The following CABCOCO1 variants were observed in gnomAD, a reference collection of about 807,000 sequenced individuals.
CABCOCO1 encodes the protein ciliary-associated calcium-binding coiled-coil protein 1.
A neutral mutation model predicts 35.7 loss-of-function variants in CABCOCO1; 28 were observed. The observed-to-expected ratio is 0.78, with a 90% CI of 0.58 to 1.07. CABCOCO1 has a LOEUF of 1.07. CABCOCO1 is among the 50% of genes least tolerant of loss of function. The pLI, the probability that CABCOCO1 is intolerant of heterozygous loss-of-function variation, is 0.00. For missense variants in CABCOCO1, 326 were observed against 309.2 expected, an observed-to-expected ratio of 1.05 and a Z score of -0.41; for synonymous variants, 95 against 100.1, an observed-to-expected ratio of 0.95 and a Z score of 0.30.
At chr10:61,710,080 CAAG>C (rs1840691465) in intron 5 of CABCOCO1, among the ~76,000 whole-genome samples, 1 of 151,900 alleles carries the variant, frequency 6.6e-6, no homozygotes, top group Non-Finnish European at 1.5e-5. Context: ...TTGCCAAAAA[CAAG>C]AAGAAATTTG....
chr10:61,741,544 A>AC (rs1248134113), intron 5 of CABCOCO1, among the ~76,000 whole-genome samples: 1 of 150,330 alleles, frequency 6.7e-6, no homozygotes, highest in African/African-American at 2.4e-5. Context: ...CTGAAATTGG[A>AC]CATTAATGCT....
At chr10:61,753,871 A>G (rs764529474) in intron 5 of CABCOCO1, among the ~76,000 whole-genome samples, 2 of 152,152 alleles carry the variant, frequency 1.3e-5, no homozygotes, top group Non-Finnish European at 2.9e-5. Flanking sequence ...GACTGTCACT[A>G]TATGGAAACA....
intron 3 of CABCOCO1, among the ~76,000 whole-genome samples, chr10:61,682,862 T>C (rs1210222367): frequency 6.6e-6 from 1 of 150,998 alleles, no homozygotes; most frequent in Admixed American, 6.6e-5. Flanking sequence ...CATGTAATAG[T>C]ACCAGGAGTT....
chr10:61,763,659 G>A (rs1842052867), intron 7 of CABCOCO1, among the ~76,000 whole-genome samples: 1 of 151,918 alleles, frequency 6.6e-6, no homozygotes, highest in African/African-American at 2.4e-5. Flanking sequence ...TAAAAACTTT[G>A]AGGGAAGTTT....
At chr10:61,690,649 T>C in intron 5 of CABCOCO1, 28 bp downstream of exon 5, 1 of 1,453,302 alleles carries the variant, frequency 6.9e-7, no homozygotes, top group Middle Eastern at 1.7e-4. Flanking sequence ...ATGGAACAAG[T>C]TAAGCAGAAT....
chr10:61,707,000 A>G (rs1335451064), intron 5 of CABCOCO1, among the ~76,000 whole-genome samples: 1 of 151,972 alleles, frequency 6.6e-6, no homozygotes, highest in Non-Finnish European at 1.5e-5. Flanking sequence ...CTCCTCAATG[A>G]CCCATTTTCG....
At chr10:61,727,924 T>C (rs923460406) in intron 5 of CABCOCO1, among the ~76,000 whole-genome samples, 4 of 152,326 alleles carry the variant, frequency 2.6e-5, no homozygotes, top group Non-Finnish European at 5.9e-5. Context: ...AATTATGGAA[T>C]ATGTTAGTAG....
At chr10:61,689,737 T>C (rs561553906) in intron 4 of CABCOCO1, among the ~76,000 whole-genome samples, 204 of 152,294 alleles carry the variant, frequency 1.3e-3, no homozygotes, top group Middle Eastern at 6.8e-3. Context: ...TGCTGTATTA[T>C]GAGTCTATTA....
At position 61,709,359 on chromosome 10, in the gene CABCOCO1, T is replaced by C. The variant is rs192349518; in HGVS notation, c.552+18738T>C. 1.4e-4 allele frequency among the ~76,000 whole-genome samples: 21 copies of C among 152,170 alleles called. No individual in the cohort carries two copies. In the East Asian group the frequency reaches 1.7e-3, roughly 13 times the overall value. ...AAACAAAAAGCTTAAAATTAGATTA[T>C]TGCTTAGAAACAGAGCCATCAAATT... On this transcript the variant is annotated intron_variant, in intron 5 of 7. Coordinates refer to ENST00000648843, the MANE Select transcript of CABCOCO1 (RefSeq NM_001366906.2).
At chr10:61,667,518 A>G (rs1451162352) in intron 1 of CABCOCO1, among the ~76,000 whole-genome samples, 1 of 151,666 alleles carries the variant, frequency 6.6e-6, no homozygotes. Context: ...GGAAGGACTT[A>G]GTTCTTTGAA....
rs191110363 is a variant in CABCOCO1 at position 61,753,745 on chromosome 10, T to C, written c.553-6314T>C. ...AATAGGTGGCTTGCCCTAATCCTGA[T>C]CATGCTACATATCTACCTCATTATG... On this transcript the variant is annotated intron_variant, in intron 5 of 7. Transcript: ENST00000648843. 1.1e-4 allele frequency among the ~76,000 whole-genome samples: 16 copies of C among 152,290 alleles called. No homozygotes were observed. In the East Asian group the frequency reaches 3.1e-3, roughly 29 times the overall value.
At chr10:61,698,818 CA>C (rs1840362792) in intron 5 of CABCOCO1, among the ~76,000 whole-genome samples, 1 of 151,782 alleles carries the variant, frequency 6.6e-6, no homozygotes, top group African/African-American at 2.4e-5. Context: ...CCTGAATAAA[CA>C]AAATATGAGA....
intron 5 of CABCOCO1, among the ~76,000 whole-genome samples, chr10:61,710,224 G>A (rs1840696632): frequency 1.3e-5 from 2 of 151,074 alleles, no homozygotes; most frequent in Admixed American, 6.6e-5. Flanking sequence ...CCGGAGACTT[G>A]ACATGCTGAA....
At chr10:61,704,957 TG>T (rs972833604) in intron 5 of CABCOCO1, among the ~76,000 whole-genome samples, 20 of 152,128 alleles carry the variant, frequency 1.3e-4, no homozygotes, top group African/African-American at 4.8e-4. Context: ...ATGAATGGCT[TG>T]TCTCCCAAAC....
intron 2 of CABCOCO1, among the ~76,000 whole-genome samples, chr10:61,679,562 C>T (rs1265128387): frequency 6.6e-6 from 1 of 152,096 alleles, no homozygotes; most frequent in Non-Finnish European, 1.5e-5. Flanking sequence ...ATAATTGACA[C>T]AAAGTTACTT....
chr10:61,747,293 A>G (rs1841684077), intron 5 of CABCOCO1, among the ~76,000 whole-genome samples: 1 of 152,162 alleles, frequency 6.6e-6, no homozygotes, highest in South Asian at 2.1e-4. Context: ...TAGCATTTAC[A>G]CAGCATTGTT....
intron 5 of CABCOCO1, 88 bp from the exon 6 acceptor site, chr10:61,759,971 A>G: frequency 6.7e-7 from 1 of 1,491,538 alleles, no homozygotes; most frequent in South Asian, 1.3e-5. Context: ...ACAGACTTGG[A>G]ACTATGGTAC....
chr10:61,746,165 A>G (rs1373106175), intron 5 of CABCOCO1, among the ~76,000 whole-genome samples: 1 of 152,194 alleles, frequency 6.6e-6, no homozygotes, highest in Non-Finnish European at 1.5e-5. Flanking sequence ...AATAATAATC[A>G]CAATAAATAT....
Position 61,682,889 on chromosome 10 carries a change from C to CTTTTTTT in CABCOCO1, c.334+1586_334+1592dup, listed in dbSNP as rs71018993. ...CCAGGAGTTAGTTTCACATGAATTT[C>CTTTTTTT]TTTTTTTTTTTTTTTAAGACAGATT... On this transcript the variant is annotated intron_variant, in intron 3 of 7. Transcript: ENST00000648843. Among the ~76,000 whole-genome samples the CTTTTTTT allele has an allele frequency of 2.9e-3, 373 of 128,184 alleles. 4 individuals are homozygous for CTTTTTTT. The highest frequency in any genetic ancestry group is 8.3e-3 in the African/African-American group (297 of 35,778). 84.1% of individuals were successfully genotyped at this position (128,184 alleles called of 152,430 possible).
Sources: allele counts gnomAD v4.1 joint callset (sites outside exome capture counted in the v4.1 genomes callset), GRCh38; gene constraint gnomAD v4.1.1; transcripts MANE v1.5; gene names NCBI Gene and HGNC (gene_info 2026-07-23, HGNC 2026-07-21).